Variants in HACE1 observed in about 807,000 individuals in gnomAD.
The protein encoded by HACE1 is HECT domain and ankyrin repeat containing E3 ubiquitin protein ligase 1.
Under a neutral mutation model 118.4 loss-of-function variants are expected in HACE1, and 73 were observed. The observed-to-expected ratio is 0.62, with a 90% CI of 0.51 to 0.75. The LOEUF (loss-of-function observed/expected upper bound fraction) is 0.75. Among genes scored for constraint, HACE1 ranks in the 30% least tolerant of loss-of-function variants. The pLI is 0.00. For synonymous variants in HACE1, 368 were observed against 374.8 expected, an observed-to-expected ratio of 0.98 and a Z score of 0.21; for missense variants, 749 against 1,102.2, an observed-to-expected ratio of 0.68 and a Z score of 4.54.
At chr6:104,852,228 T>TGC (rs112776563) in intron 2 of HACE1, 89 bp downstream of exon 2, 43,008 of 651,168 alleles carry the variant, frequency 0.066, 828 homozygotes, top group African/African-American at 0.088. Flanking sequence ...TGTGTGTGTG[T>TGC]GCGCGCGTGC....
intron 19 of HACE1, among the ~76,000 whole-genome samples, chr6:104,756,593 G>C (rs1183901859): frequency 1.3e-5 from 2 of 152,148 alleles, no homozygotes; most frequent in Admixed American, 6.5e-5. Context: ...TGGCCGAATA[G>C]GAACAGCTCT....
chr6:104,837,824 A>C (rs1006005203), intron 5 of HACE1, among the ~76,000 whole-genome samples: 4 of 152,184 alleles, frequency 2.6e-5, no homozygotes, highest in Non-Finnish European at 4.4e-5. Flanking sequence ...GGAAAAACTT[A>C]GACTCCACCA....
chr6:104,849,053 G>C (rs531882364), intron 4 of HACE1, 89 bp downstream of exon 4: 3 of 786,254 alleles, frequency 3.8e-6, no homozygotes, highest in Non-Finnish European at 6.9e-6. Context: ...GTAAATATCA[G>C]GGATGCGGGA....
chr6:104,827,208 C>G (rs540018393), intron 6 of HACE1, among the ~76,000 whole-genome samples: 32 of 152,180 alleles, frequency 2.1e-4, no homozygotes, highest in African/African-American at 7.5e-4. Context: ...TCTCAAAACA[C>G]TGATCAAAGT....
intron 6 of HACE1, among the ~76,000 whole-genome samples, chr6:104,831,990 GGAAGGA>G (rs1562471462): frequency 5.4e-4 from 51 of 95,194 alleles, no homozygotes; most frequent in African/African-American, 1.5e-3. Flanking sequence ...GAGGAAGGAA[GGAAGGA>G]AGGAAGGAAG....
chr6:104,792,954 T>C (rs1783194835), intron 10 of HACE1, among the ~76,000 whole-genome samples: 1 of 152,126 alleles, frequency 6.6e-6, no homozygotes, highest in Non-Finnish European at 1.5e-5. Context: ...AGCTCTCTTC[T>C]TCCCCGGCCC....
chr6:104,761,807 A>G (rs1352664922), intron 19 of HACE1, among the ~76,000 whole-genome samples: 1 of 152,204 alleles, frequency 6.6e-6, no homozygotes, highest in Non-Finnish European at 1.5e-5. Context: ...CATCTGACAA[A>G]GGGTTAATAT....
intron 7 of HACE1, among the ~76,000 whole-genome samples, chr6:104,798,147 T>C (rs1156990158): frequency 6.7e-6 from 1 of 149,928 alleles, no homozygotes; most frequent in East Asian, 1.9e-4. Context: ...TGGAAGAGCA[T>C]GAATCCAAAA....
At chr6:104,849,834 CAG>C (rs1290811765) in intron 3 of HACE1, among the ~76,000 whole-genome samples, 1 of 150,802 alleles carries the variant, frequency 6.6e-6, no homozygotes, top group Non-Finnish European at 1.5e-5. Context: ...GTATTTTTAG[CAG>C]AGACGGGGTT....
At chr6:104,831,980 G>GAAGAGAAGAGGAGGAAGGAAGGAAGGA (rs71003447) in intron 6 of HACE1, among the ~76,000 whole-genome samples, 1 of 62,862 alleles carries the variant, frequency 1.6e-5, no homozygotes, top group Non-Finnish European at 3.0e-5. Context: ...GAAGAGAAGA[G>GAAGAGAAGAGGAGGAAGGAAGGAAGGA]AGGAAGGAAG....
chr6:104,833,374 T>C (rs1483788183), intron 5 of HACE1, among the ~76,000 whole-genome samples: 1 of 152,204 alleles, frequency 6.6e-6, no homozygotes, highest in African/African-American at 2.4e-5. Flanking sequence ...AAGTTTTATT[T>C]ACAGGTTTGG....
rs774453977 is a variant in HACE1 at position 104,759,363 on chromosome 6, T to A, written c.2212-8891A>T. 2.6e-5 allele frequency among the ~76,000 whole-genome samples: 4 copies of A among 152,164 alleles called. No individual in the cohort carries two copies. In the East Asian group the frequency reaches 7.7e-4, roughly 29 times the overall value. ...CAACAAACTGTCTCTCAGAGCACAG[T>A]GCAATCAAATTAGAACTCAGGATTA... On this transcript the variant is annotated intron_variant, in intron 19 of 23. Coordinates refer to ENST00000262903, the MANE Select transcript of HACE1 (RefSeq NM_020771.4).
chr6:104,745,560 C>T (rs1050866229), intron 20 of HACE1, among the ~76,000 whole-genome samples: 1 of 151,136 alleles, frequency 6.6e-6, no homozygotes, highest in African/African-American at 2.4e-5. Flanking sequence ...CCCACCTCAG[C>T]CTCCCAAGTA....
chr6:104,765,389 C>G (rs145764902), intron 19 of HACE1, among the ~76,000 whole-genome samples: 6 of 152,236 alleles, frequency 3.9e-5, no homozygotes, highest in South Asian at 2.1e-4. Flanking sequence ...TAGGACATCC[C>G]TGCACATTTA....
chr6:104,786,156 G>A (rs1782370438), intron 11 of HACE1: 1 of 151,672 alleles, frequency 6.6e-6, no homozygotes, highest in African/African-American at 2.4e-5. Flanking sequence ...CCAACATGGT[G>A]AATTGAAATC....
intron 14 of HACE1, among the ~76,000 whole-genome samples, 160 bp downstream of exon 14, chr6:104,783,926 A>G (rs753362703): frequency 2.6e-5 from 4 of 152,246 alleles, no homozygotes; most frequent in Non-Finnish European, 5.9e-5. Flanking sequence ...CACTCAGTAC[A>G]TATTTCTTGA....
At chr6:104,738,551 A>T (rs7754919) in intron 22 of HACE1, among the ~76,000 whole-genome samples, 61,831 of 144,382 alleles carry the variant, frequency 0.43, 15,369 homozygotes, top group African/African-American at 0.7. Context: ...TGTGATCAAC[A>T]GGAAGAAAGG....
chr6:104,781,465 C>G (rs1006253907), intron 14 of HACE1, among the ~76,000 whole-genome samples: 1 of 152,190 alleles, frequency 6.6e-6, no homozygotes, highest in African/African-American at 2.4e-5. Flanking sequence ...AGACCAAGAG[C>G]TGGGTGCCAG....
chr6:104,806,107 T>C (rs1329311431), intron 7 of HACE1, among the ~76,000 whole-genome samples: 1 of 152,176 alleles, frequency 6.6e-6, no homozygotes, highest in Non-Finnish European at 1.5e-5. Context: ...TTTAGAAAGC[T>C]GGAGTAATTT....
Sources: gnomAD v4.1 joint callset for allele counts (sites outside exome capture counted in the v4.1 genomes callset) on GRCh38, gnomAD v4.1.1 for gene constraint, MANE v1.5 for transcripts, NCBI Gene and HGNC (gene_info 2026-07-23, HGNC 2026-07-21) for gene names.